BMPR1B: variants seen among roughly 807,000 people sequenced by gnomAD.
BMPR1B encodes bone morphogenetic protein receptor type 1B.
BMPR1B carries 12 observed loss-of-function variants against 59.1 expected under a neutral mutation model. The observed-to-expected ratio is 0.20, with a 90% CI of 0.13 to 0.33. BMPR1B has a LOEUF of 0.33. Ranked by LOEUF, BMPR1B falls within the 10% of genes least tolerant of loss-of-function variation. The pLI is 1.00. For synonymous variants in BMPR1B, 237 were observed against 207.3 expected, an observed-to-expected ratio of 1.14 and a Z score of -1.23; for missense variants, 550 against 610.9, an observed-to-expected ratio of 0.90 and a Z score of 1.05.
At chr4:95,078,418 T>C (rs1728869817) in intron 3 of BMPR1B, among the ~76,000 whole-genome samples, 1 of 152,228 alleles carries the variant, frequency 6.6e-6, no homozygotes. Flanking sequence ...AACTAACATT[T>C]ATTGGTCATT....
chr4:94,882,233 C>T (rs921615962), intron 2 of BMPR1B, among the ~76,000 whole-genome samples: 2 of 152,076 alleles, frequency 1.3e-5, no homozygotes, highest in African/African-American at 4.8e-5. Flanking sequence ...ATATTTTCTT[C>T]ATAGCACGCA....
intron 1 of BMPR1B, among the ~76,000 whole-genome samples, chr4:94,861,273 C>T (rs1310187204): frequency 1.3e-5 from 2 of 152,162 alleles, no homozygotes; most frequent in Non-Finnish European, 2.9e-5. Context: ...ACTTGCTTAC[C>T]TCTCACAGGT....
At chr4:94,957,348 T>G (rs1263715563) in intron 2 of BMPR1B, among the ~76,000 whole-genome samples, 1 of 149,870 alleles carries the variant, frequency 6.7e-6, no homozygotes, top group Non-Finnish European at 1.5e-5. Context: ...TTTTTTTTTT[T>G]TTTTTTTTTT....
At chr4:94,782,442 C>T (rs2110588782) in intron 1 of BMPR1B, among the ~76,000 whole-genome samples, 1 of 151,892 alleles carries the variant, frequency 6.6e-6, no homozygotes, top group East Asian at 1.9e-4. Flanking sequence ...AGTAGCTGGA[C>T]CATAGGTGCA....
At chr4:94,868,114 C>T (rs1397582419) in intron 1 of BMPR1B, among the ~76,000 whole-genome samples, 2 of 151,842 alleles carry the variant, frequency 1.3e-5, no homozygotes, top group African/African-American at 4.8e-5. Flanking sequence ...TCTCTTGCCT[C>T]AGCCTCCCAA....
chr4:95,104,890 G>A lies in BMPR1B; in HGVS notation c.143+323G>A, dbSNP rs563522920. The stretch of plus-strand genomic sequence containing the variant: ...CCCCACAATTAGTTAAACATCAGAG[G>A]CTGTCAAATGCGTGTGATTTTGTTT... On this transcript the variant is annotated intron_variant, in intron 4 of 12. Transcript: ENST00000515059. 2.0e-3 allele frequency among the ~76,000 whole-genome samples: 295 copies of A among 150,370 alleles called. 1 individual carries two copies. The Middle Eastern group carries it at 0.024, about 12-fold the overall frequency.
intron 2 of BMPR1B, among the ~76,000 whole-genome samples, chr4:94,967,669 A>G (rs1321372221): frequency 4.6e-5 from 7 of 151,950 alleles, no homozygotes; most frequent in Non-Finnish European, 8.8e-5. Flanking sequence ...TTTTTAGTAG[A>G]GATGGGGTTT....
chr4:94,822,193 G>C (rs1724233004), intron 1 of BMPR1B, among the ~76,000 whole-genome samples: 1 of 152,156 alleles, frequency 6.6e-6, no homozygotes, highest in African/African-American at 2.4e-5. Context: ...CTTCTGTAAA[G>C]GCATTAATCC....
chr4:94,831,233 TAAA>T (rs34088781), intron 1 of BMPR1B, among the ~76,000 whole-genome samples: 2,537 of 88,526 alleles, frequency 0.029, 33 homozygotes, highest in Non-Finnish European at 0.052. Flanking sequence ...GTTTAAAAAG[TAAA>T]AAAAAAAAAA....
At chr4:94,924,151 T>G (rs1728800826) in intron 2 of BMPR1B, among the ~76,000 whole-genome samples, 1 of 152,166 alleles carries the variant, frequency 6.6e-6, no homozygotes, top group African/African-American at 2.4e-5. Context: ...ATAGTTAGTT[T>G]TCTTCACTTT....
At chr4:95,049,596 A>C (rs1411141576) in intron 3 of BMPR1B, among the ~76,000 whole-genome samples, 1 of 151,592 alleles carries the variant, frequency 6.6e-6, no homozygotes, top group Non-Finnish European at 1.5e-5. Flanking sequence ...GATTGTACTC[A>C]TGCTGTTGCA....
At chr4:94,944,135 A>G (rs774245205) in intron 2 of BMPR1B, among the ~76,000 whole-genome samples, 10 of 152,172 alleles carry the variant, frequency 6.6e-5, no homozygotes, top group Non-Finnish European at 1.3e-4. Context: ...TCATGTTTAG[A>G]CTTGGGTCCA....
At chr4:95,035,791 G>A (rs1486909466) in intron 3 of BMPR1B, among the ~76,000 whole-genome samples, 1 of 152,052 alleles carries the variant, frequency 6.6e-6, no homozygotes, top group East Asian at 1.9e-4. Context: ...ATGAATTTTA[G>A]GATTGTTTTT....
At chr4:94,885,179 C>T (rs1433115104) in intron 2 of BMPR1B, among the ~76,000 whole-genome samples, 1 of 152,152 alleles carries the variant, frequency 6.6e-6, no homozygotes, top group East Asian at 1.9e-4. Context: ...GAAGATCCTT[C>T]CATCTTGATC....
intron 2 of BMPR1B, among the ~76,000 whole-genome samples, chr4:94,903,307 T>C (rs1185037421): frequency 6.6e-6 from 1 of 151,964 alleles, no homozygotes; most frequent in Non-Finnish European, 1.5e-5. Context: ...TAGTTAAGTT[T>C]AGTATTCGAT....
intron 2 of BMPR1B, among the ~76,000 whole-genome samples, chr4:94,884,000 G>A (rs1291163994): frequency 6.6e-6 from 1 of 152,114 alleles, no homozygotes; most frequent in Non-Finnish European, 1.5e-5. Context: ...TGATCCAAGG[G>A]CACTATCATC....
intron 1 of BMPR1B, among the ~76,000 whole-genome samples, chr4:94,804,027 C>T (rs917247160): frequency 1.6e-4 from 24 of 151,886 alleles, no homozygotes; most frequent in Middle Eastern, 3.2e-3. Flanking sequence ...TACAGGCACC[C>T]GCCACCACGC....
chr4:95,009,218 T>C (rs1254998879), intron 3 of BMPR1B, among the ~76,000 whole-genome samples: 1 of 152,190 alleles, frequency 6.6e-6, no homozygotes, highest in African/African-American at 2.4e-5. Flanking sequence ...TATTGATAAA[T>C]TGAAACCGAA....
At chr4:94,806,355 T>G (rs6842692) in intron 1 of BMPR1B, among the ~76,000 whole-genome samples, 94,158 of 152,106 alleles carry the variant, frequency 0.62, 29,667 homozygotes, top group East Asian at 0.77. Flanking sequence ...GTGATTCACT[T>G]TAACTGCCTC....
Sources: allele counts gnomAD v4.1 joint callset (sites outside exome capture counted in the v4.1 genomes callset), GRCh38; gene constraint gnomAD v4.1.1; transcripts MANE v1.5; gene names NCBI Gene and HGNC (gene_info 2026-07-23, HGNC 2026-07-21).